The following NEO1 variants were observed in gnomAD, a reference collection of about 807,000 sequenced individuals.
NEO1 encodes neogenin.
Under a neutral mutation model 159.7 loss-of-function variants are expected in NEO1, and 63 were observed. The observed-to-expected ratio is 0.39, with a 90% CI of 0.32 to 0.49. The LOEUF (loss-of-function observed/expected upper bound fraction) is 0.49, where lower values mean the gene tolerates loss of function less well. Ranked by LOEUF, NEO1 falls within the 20% of genes least tolerant of loss-of-function variation. The pLI is 0.85. For missense variants in NEO1, 1,615 were observed against 1,831.0 expected, an observed-to-expected ratio of 0.88 and a Z score of 2.15; for synonymous variants, 633 against 662.0, an observed-to-expected ratio of 0.96 and a Z score of 0.67.
chr15:73,149,623 C>T (rs1218505655), intron 5 of NEO1, among the ~76,000 whole-genome samples: 12 of 151,924 alleles, frequency 7.9e-5, no homozygotes, highest in East Asian at 1.9e-4. Context: ...AAAAAAGATA[C>T]GATATTTTTA....
chr15:73,082,304 C>T (rs926789753), intron 1 of NEO1, among the ~76,000 whole-genome samples: 2 of 152,064 alleles, frequency 1.3e-5, no homozygotes, highest in African/African-American at 4.8e-5. Context: ...GAAAATGTTA[C>T]TTAAATGCGA....
intron 5 of NEO1, among the ~76,000 whole-genome samples, chr15:73,164,171 G>A (rs1047147057): frequency 4.7e-5 from 7 of 150,142 alleles, no homozygotes; most frequent in African/African-American, 1.7e-4. Context: ...GGGATTACAG[G>A]CACCCACCAC....
At chr15:73,248,850 A>T (rs565326483) in intron 9 of NEO1, among the ~76,000 whole-genome samples, 1 of 152,344 alleles carries the variant, frequency 6.6e-6, no homozygotes, top group Non-Finnish European at 1.5e-5. Flanking sequence ...ATCACAAGGA[A>T]AGTTTTTCAG....
chr15:73,303,235 T>C lies in NEO1; in HGVS notation c.*539T>C, dbSNP rs2042686296. The C allele has an allele frequency of 6.5e-6, 1 of 152,692 alleles. No homozygotes were observed. Among genetic ancestry groups the C allele is most frequent in the Admixed American group, 6.5e-5 (1 of 15,288 alleles). 9.5% of individuals were successfully genotyped at this position (152,692 alleles called of 1,614,324 possible). Reference sequence around the variant, plus strand: ...GTGGGTCGTTCCTGGGGTTGGCTTGTTTTTTGGTTTCATTTTTATTTTTTA... The same window carrying C: ...GTGGGTCGTTCCTGGGGTTGGCTTGCTTTTTGGTTTCATTTTTATTTTTTA... On this transcript the variant is annotated 3_prime_UTR_variant, in exon 29 of 29. Coordinates refer to ENST00000261908, the MANE Select transcript of NEO1 (RefSeq NM_002499.4).
At chr15:73,245,894 C>G (rs1201164472) in intron 9 of NEO1, among the ~76,000 whole-genome samples, 1 of 151,932 alleles carries the variant, frequency 6.6e-6, no homozygotes, top group Non-Finnish European at 1.5e-5. Context: ...TCAGTGTATT[C>G]TTCAGTCTAA....
intron 16 of NEO1, among the ~76,000 whole-genome samples, chr15:73,266,647 G>A (rs754898866): frequency 2.6e-5 from 4 of 151,732 alleles, no homozygotes; most frequent in African/African-American, 7.3e-5. Flanking sequence ...ATATATACAC[G>A]TTTTTAATCT....
rs949164547 is a variant in NEO1, at chr15:73,249,826, A to G, written c.1894+105A>G. On this transcript the variant is annotated intron_variant, in intron 11 of 28. Coordinates refer to ENST00000261908, the MANE Select transcript of NEO1 (RefSeq NM_002499.4). Reference sequence around the variant, plus strand: ...TCTAGAAGATTCAGTTCAAATCCCAATTTTACCTCTTTCTGGTAATATGAC... The same window carrying G: ...TCTAGAAGATTCAGTTCAAATCCCAGTTTTACCTCTTTCTGGTAATATGAC... 53 of 1,293,198 alleles carry G rather than the reference A, an allele frequency of 4.1e-5. No individual in the cohort carries two copies. In the African/African-American group the frequency reaches 7.3e-4, roughly 18 times the overall value. 80.1% of individuals were successfully genotyped at this position (1,293,198 alleles called of 1,614,324 possible).
At chr15:73,205,183 G>T (rs1029938650) in intron 7 of NEO1, among the ~76,000 whole-genome samples, 7 of 152,152 alleles carry the variant, frequency 4.6e-5, no homozygotes, top group Admixed American at 2.0e-4. Context: ...TCTTATGGTT[G>T]TGACCTTCAC....
chr15:73,259,033 G>T, intron 14 of NEO1, 157 bp downstream of exon 14: 2 of 608,738 alleles, frequency 3.3e-6, no homozygotes, highest in Non-Finnish European at 5.8e-6. Flanking sequence ...CGAGGCTGCT[G>T]GAATGGATTT....
At chr15:73,179,256 A>G (rs1019098063) in intron 7 of NEO1, among the ~76,000 whole-genome samples, 19 of 152,208 alleles carry the variant, frequency 1.2e-4, no homozygotes, top group Non-Finnish European at 1.6e-4. Flanking sequence ...AATGGCAACT[A>G]TCAGGAGCAA....
Position 73,178,347 on chromosome 15 carries a change from A to G in NEO1, c.1211A>G (p.Asp404Gly). The part of the protein sequence containing the change: ...NLQVLGLVKS[D>G]EGFYQCIAEN... ...CAAGTTTTGGGTCTGGTGAAATCAG[A>G]TGAAGGGTTCTATCAGTGCATTGCT... The change falls in exon 7 of 29, where the codon GAT (aspartate) becomes GGT (glycine). Residue 404 changes from aspartate to glycine, a missense_variant. Physicochemically the swap from Asp to Gly is moderately conservative, Grantham distance 94. Around this residue, in one of 3 missense-constraint regions of NEO1, gnomAD observed 1,018 missense variants for 1,115.4 expected, o/e 0.91. Coordinates refer to ENST00000261908, the MANE Select transcript of NEO1 (RefSeq NM_002499.4). 1 of 1,613,804 alleles carries G rather than the reference A, an allele frequency of 6.2e-7. No individual in the cohort carries two copies. The highest frequency in any genetic ancestry group is 8.5e-7 in the Non-Finnish European group (1 of 1,179,808).
At chr15:73,059,196 T>C (rs997929182) in intron 1 of NEO1, among the ~76,000 whole-genome samples, 1 of 152,180 alleles carries the variant, frequency 6.6e-6, no homozygotes, top group African/African-American at 2.4e-5. Context: ...AGCTGGCTTA[T>C]GTAAACAGGT....
At chr15:73,088,812 G>A (rs2069512196) in intron 1 of NEO1, among the ~76,000 whole-genome samples, 1 of 152,012 alleles carries the variant, frequency 6.6e-6, no homozygotes, top group African/African-American at 2.4e-5. Flanking sequence ...GTTAATTTTG[G>A]TAAATTAATT....
intron 25 of NEO1, among the ~76,000 whole-genome samples, chr15:73,292,535 C>G (rs1348002260): frequency 6.6e-6 from 1 of 152,170 alleles, no homozygotes; most frequent in Non-Finnish European, 1.5e-5. Flanking sequence ...CTGTTTCCAT[C>G]TCAGATGGAT....
rs115391745 is a variant in NEO1, at chr15:73,059,595, A to C, written c.130+6790A>C. 5.5e-3 allele frequency among the ~76,000 whole-genome samples: 838 copies of C among 152,292 alleles called. 9 individuals are homozygous for C. Among genetic ancestry groups the C allele is most frequent in the African/African-American group, 0.019 (791 of 41,576 alleles). On this transcript the variant is annotated intron_variant, in intron 1 of 28. Coordinates refer to ENST00000261908, the MANE Select transcript of NEO1 (RefSeq NM_002499.4). ...AAGCATTTGGTCTAATGGTGGAGGTAAGGGAGATATTAGGTAACTTGATTT... is the reference window on the plus strand; with the variant it reads ...AAGCATTTGGTCTAATGGTGGAGGTCAGGGAGATATTAGGTAACTTGATTT...
At chr15:73,073,739 G>C (rs187489182) in intron 1 of NEO1, among the ~76,000 whole-genome samples, 67 of 152,250 alleles carry the variant, frequency 4.4e-4, no homozygotes, top group African/African-American at 1.6e-3. Context: ...TGGTTTTCAG[G>C]AGTGTTGAGG....
At position 73,293,395 on chromosome 15, in the gene NEO1, A is replaced by C. The variant is rs761942268; in HGVS notation, c.3748A>C (p.Ile1250Leu). ...PFDSQPPQPV[I>L]SAHPIHSLDN... ...TGTCTTGTGTTCATTCACAGCTGTG[A>C]TTAGTGCCCATCCCATCCATTCCCT... is the stretch of plus-strand genomic sequence containing the variant. The change falls in exon 26 of 29, where the codon ATT (isoleucine) becomes CTT (leucine). Residue 1250 changes from isoleucine (I) to leucine (L), a missense_variant. Physicochemically the swap from Ile to Leu is conservative, Grantham distance 5. Around this residue, in one of 3 missense-constraint regions of NEO1, gnomAD observed 471 missense variants for 498.9 expected, o/e 0.94. Transcript: ENST00000261908. 6.2e-7 allele frequency: 1 copy of C among 1,614,106 alleles called. No individual in the cohort carries two copies. Among genetic ancestry groups the C allele is most frequent in the South Asian group, 1.1e-5 (1 of 91,070 alleles).
rs796277033 is a variant in NEO1, at chr15:73,278,063, C to G, written c.3194-68C>G. 1.0e-5 allele frequency: 14 copies of G among 1,379,612 alleles called. No individual in the cohort carries two copies. In the African/African-American group the frequency reaches 2.0e-4, roughly 20 times the overall value. 85.5% of individuals were successfully genotyped at this position (1,379,612 alleles called of 1,614,324 possible). A position where few individuals can be genotyped will look rare whatever the true frequency, so the allele number is the denominator to read the frequency against. On this transcript the variant is annotated intron_variant, in intron 21 of 28. Coordinates refer to ENST00000261908, the MANE Select transcript of NEO1 (RefSeq NM_002499.4). ...TTGTGTTTTTTGTTTAAAACACTCC[C>G]TAGCTATGAAGTGGACTGTCACGCC...
At chr15:73,270,895 G>A (rs1241877601) in intron 18 of NEO1, among the ~76,000 whole-genome samples, 1 of 152,174 alleles carries the variant, frequency 6.6e-6, no homozygotes, top group Admixed American at 6.6e-5. Flanking sequence ...CTTTGTAAGT[G>A]GACACGAGAG....
Sources: allele counts gnomAD v4.1 joint callset (sites outside exome capture counted in the v4.1 genomes callset), GRCh38; gene constraint gnomAD v4.1.1; regional missense constraint gnomAD v4.1.1; transcripts MANE v1.5; gene names NCBI Gene and HGNC (gene_info 2026-07-23, HGNC 2026-07-21).